Variants in ZFAND3 observed in about 807,000 individuals in gnomAD.
The protein encoded by ZFAND3 is zinc finger AN1-type containing 3.
Under a neutral mutation model 29.6 loss-of-function variants are expected in ZFAND3, and 10 were observed. The observed-to-expected ratio is 0.34, with a 90% CI of 0.21 to 0.57. ZFAND3 has a LOEUF of 0.57. Ranked by LOEUF, ZFAND3 falls within the 20% of genes least tolerant of loss-of-function variation. ZFAND3 has a pLI of 0.86. For missense variants in ZFAND3, 230 were observed against 304.5 expected, an observed-to-expected ratio of 0.76 and a Z score of 1.82; for synonymous variants, 128 against 112.6, an observed-to-expected ratio of 1.14 and a Z score of -0.87.
chr6:38,092,791 G>A (rs184744986), intron 4 of ZFAND3, among the ~76,000 whole-genome samples: 124 of 152,296 alleles, frequency 8.1e-4, no homozygotes, highest in African/African-American at 2.8e-3. Context: ...CTGTAACGGA[G>A]CCACAGAAGA....
intron 2 of ZFAND3, among the ~76,000 whole-genome samples, chr6:37,962,723 A>G (rs1762219378): frequency 6.6e-6 from 1 of 152,334 alleles, no homozygotes; most frequent in South Asian, 2.1e-4. Context: ...GCGGGGCCAA[A>G]TAAGGGAATA....
At chr6:38,014,118 A>G (rs1763210925) in intron 2 of ZFAND3, among the ~76,000 whole-genome samples, 1 of 152,162 alleles carries the variant, frequency 6.6e-6, no homozygotes, top group Non-Finnish European at 1.5e-5. Flanking sequence ...AGAATGGTAA[A>G]GCAAATGGGG....
chr6:37,968,141 G>T (rs1056228505), intron 2 of ZFAND3, among the ~76,000 whole-genome samples: 45 of 152,104 alleles, frequency 3.0e-4, no homozygotes, highest in African/African-American at 1.1e-3. Flanking sequence ...ACTAGAATTG[G>T]TTTTTTGACA....
chr6:38,040,277 TGTG>T (rs771739763), intron 2 of ZFAND3, among the ~76,000 whole-genome samples: 18 of 152,300 alleles, frequency 1.2e-4, no homozygotes, highest in African/African-American at 1.7e-4. Context: ...ACTTTCAAAT[TGTG>T]GTAAAATTCA....
chr6:37,851,147 GTTTTC>G (rs1183533132), intron 1 of ZFAND3, among the ~76,000 whole-genome samples: 1 of 147,152 alleles, frequency 6.8e-6, no homozygotes, highest in Non-Finnish European at 1.5e-5. Context: ...TAATTTTATC[GTTTTC>G]TTTTTTTTTT....
At chr6:37,947,563 T>G (rs957560516) in intron 2 of ZFAND3, among the ~76,000 whole-genome samples, 2 of 152,190 alleles carry the variant, frequency 1.3e-5, no homozygotes, top group East Asian at 3.8e-4. Flanking sequence ...GTCAAAATAT[T>G]ACATGTAACA....
intron 5 of ZFAND3, among the ~76,000 whole-genome samples, chr6:38,135,305 G>A (rs1361075741): frequency 6.6e-6 from 1 of 152,232 alleles, no homozygotes; most frequent in Non-Finnish European, 1.5e-5. Context: ...AAAGGTGGAT[G>A]TGTTAGCCCT....
At chr6:37,901,107 G>A (rs889357467) in intron 1 of ZFAND3, among the ~76,000 whole-genome samples, 19 of 152,094 alleles carry the variant, frequency 1.2e-4, no homozygotes, top group Admixed American at 1.1e-3. Context: ...TTAGAGGTGA[G>A]GGAGCAAGGG....
At chr6:38,030,197 TG>T (rs1185343905) in intron 2 of ZFAND3, among the ~76,000 whole-genome samples, 1 of 150,832 alleles carries the variant, frequency 6.6e-6, no homozygotes, top group Non-Finnish European at 1.5e-5. Flanking sequence ...AAATTTTTTT[TG>T]TTTTGTTTTG....
At chr6:37,897,375 A>T (rs942781250) in intron 1 of ZFAND3, among the ~76,000 whole-genome samples, 1 of 152,210 alleles carries the variant, frequency 6.6e-6, no homozygotes, top group African/African-American at 2.4e-5. Flanking sequence ...AGTAATTCTC[A>T]TCCCATTGTG....
chr6:37,859,484 T>C (rs1331669873), intron 1 of ZFAND3, among the ~76,000 whole-genome samples: 2 of 152,268 alleles, frequency 1.3e-5, no homozygotes, highest in African/African-American at 4.8e-5. Context: ...TGTTGCTCTT[T>C]AAATAGTATA....
intron 5 of ZFAND3, among the ~76,000 whole-genome samples, chr6:38,150,277 G>A (rs927214230): frequency 6.6e-6 from 1 of 152,156 alleles, no homozygotes; most frequent in African/African-American, 2.4e-5. Context: ...TTGCATCTCT[G>A]TTCTTTTCCT....
chr6:38,087,580 A>G (rs550301184), intron 4 of ZFAND3, among the ~76,000 whole-genome samples: 2 of 152,378 alleles, frequency 1.3e-5, no homozygotes, highest in South Asian at 2.1e-4. Context: ...AAACAGACAT[A>G]TAAAAAGTTG....
chr6:37,841,988 G>A (rs556509901), intron 1 of ZFAND3, among the ~76,000 whole-genome samples: 8 of 152,286 alleles, frequency 5.3e-5, no homozygotes, highest in African/African-American at 1.4e-4. Flanking sequence ...TTCAGTGTCC[G>A]ATGAGGGCCC....
rs1037780294 is a variant in ZFAND3 at position 38,152,869 on chromosome 6, C to A, written c.*480C>A. 3.4e-5 allele frequency: 34 copies of A among 985,892 alleles called. No individual in the cohort carries two copies. The highest frequency in any genetic ancestry group is 4.0e-5 in the Non-Finnish European group (33 of 830,076). The allele number at this position is 985,892 out of a possible 1,614,324, so 61.1% of individuals were successfully genotyped here. On this transcript the variant is annotated 3_prime_UTR_variant, in exon 6 of 6. Coordinates refer to ENST00000287218, the MANE Select transcript of ZFAND3 (RefSeq NM_021943.3). ...CAGTAGCCAGGATACCTGATGGCCACGTGTGCCTTGGCCACGGGAGGCTGC... is the reference window on the plus strand; with the variant it reads ...CAGTAGCCAGGATACCTGATGGCCAAGTGTGCCTTGGCCACGGGAGGCTGC...
At chr6:38,059,492 A>G (rs964659446) in intron 2 of ZFAND3, among the ~76,000 whole-genome samples, 5 of 152,062 alleles carry the variant, frequency 3.3e-5, no homozygotes, top group Non-Finnish European at 7.4e-5. Context: ...CTGTCTTTGG[A>G]TATTTTTGTG....
chr6:37,923,372 T>C (rs1156262897), intron 1 of ZFAND3, among the ~76,000 whole-genome samples: 1 of 152,238 alleles, frequency 6.6e-6, no homozygotes, highest in Non-Finnish European at 1.5e-5. Flanking sequence ...TGTCTTCTGC[T>C]TCCACATCTT....
At chr6:37,841,495 T>C (rs1397619683) in intron 1 of ZFAND3, among the ~76,000 whole-genome samples, 1 of 152,218 alleles carries the variant, frequency 6.6e-6, no homozygotes, top group Non-Finnish European at 1.5e-5. Flanking sequence ...TGTTTTGTTT[T>C]GTTTTTGAGA....
intron 2 of ZFAND3, among the ~76,000 whole-genome samples, chr6:37,993,183 GA>G (rs550623561): frequency 0.011 from 1,587 of 148,906 alleles, 14 homozygotes; most frequent in Middle Eastern, 0.024. Context: ...TTTTAATCTA[GA>G]AAAAAAAACA....
Sources: allele counts gnomAD v4.1 joint callset (sites outside exome capture counted in the v4.1 genomes callset), GRCh38; gene constraint gnomAD v4.1.1; transcripts MANE v1.5; gene names NCBI Gene and HGNC (gene_info 2026-07-23, HGNC 2026-07-21).